SWT1: variants seen among roughly 807,000 people sequenced by gnomAD.
SWT1 encodes SWT1 RNA endoribonuclease homolog.
Under a neutral mutation model 107.3 loss-of-function variants are expected in SWT1, and 33 were observed. The observed-to-expected ratio is 0.31, with a 90% CI of 0.23 to 0.41. The LOEUF is 0.41. SWT1 is among the 10% of genes least tolerant of loss of function. The probability of loss-of-function intolerance (pLI) is 1.00; values close to 1 mark genes in which losing one functional copy is unlikely to be tolerated. For missense variants in SWT1, 898 were observed against 1,028.9 expected (o/e 0.87, Z 1.74); for synonymous variants, 345 against 348.3 (o/e 0.99, Z 0.11).
chr1:185,157,680 C>T (rs948846398), intron 1 of SWT1: 1 of 152,496 alleles, frequency 6.6e-6, no homozygotes, highest in Non-Finnish European at 1.5e-5. Flanking sequence ...CACTCTTTTC[C>T]TTTGTTTTTA....
At chr1:185,204,644 T>C in intron 11 of SWT1, 56 bp from the exon 12 acceptor site, 2 of 872,426 alleles carry the variant, frequency 2.3e-6, no homozygotes, top group South Asian at 3.9e-5. Context: ...ACTAATTATA[T>C]GTATAATAAT....
intron 18 of SWT1, among the ~76,000 whole-genome samples, chr1:185,286,926 G>A (rs1664980741): frequency 6.6e-6 from 1 of 152,138 alleles, no homozygotes; most frequent in Admixed American, 6.5e-5. Context: ...GAGGAGGAAA[G>A]CATTCATTCT....
intron 7 of SWT1, among the ~76,000 whole-genome samples, chr1:185,183,502 C>T (rs981238115): frequency 6.6e-6 from 1 of 152,028 alleles, no homozygotes; most frequent in Non-Finnish European, 1.5e-5. Context: ...AGGCTGATCT[C>T]GAACTCCTGA....
At position 185,290,786 on chromosome 1, in the gene SWT1, C is replaced by T. The variant is rs140708949; in HGVS notation, c.2686C>T (p.Leu896Phe). The T allele has an allele frequency of 6.8e-6, 11 of 1,609,016 alleles. No individual in the cohort carries two copies. Among genetic ancestry groups the T allele is most frequent in the Non-Finnish European group, 9.3e-6 (11 of 1,176,928 alleles). Residue 896 changes from leucine (L) to phenylalanine (F), a missense_variant, in exon 19 of 19, where the codon CTC becomes TTC. Physicochemically the swap from Leu to Phe is conservative, Grantham distance 22. Coordinates refer to ENST00000367500, the MANE Select transcript of SWT1 (RefSeq NM_017673.7). ...AAACAGGGGATGGTGTGAAGACATG[C>T]TCAACTATAGGATATAAGTACTGAT... ...AKNRGWCEDM[L>F]NYRI
rs118164233 is a variant in SWT1, at chr1:185,224,015, G to A, written c.2309+1979G>A. On this transcript the variant is annotated intron_variant, in intron 15 of 18. Coordinates refer to ENST00000367500, the MANE Select transcript of SWT1 (RefSeq NM_017673.7). ...TGTCCTTTGCAGGGACATGGATGGA[G>A]CTGGAGGCCATTTATCCTTTTGCAC... Among the ~76,000 whole-genome samples the A allele has an allele frequency of 5.9e-3, 891 of 152,302 alleles. 33 individuals carry two copies. In the East Asian group the frequency reaches 0.094, roughly 16 times the overall value.
chr1:185,185,006 T>C (rs1215489746), intron 9 of SWT1, 75 bp downstream of exon 9: 3 of 1,065,372 alleles, frequency 2.8e-6, no homozygotes, highest in Non-Finnish European at 3.8e-6. Context: ...AGGGAAATGG[T>C]GCAAAACTTT....
At chr1:185,167,590 T>C (rs2102315493) in intron 3 of SWT1, among the ~76,000 whole-genome samples, 1 of 152,354 alleles carries the variant, frequency 6.6e-6, no homozygotes, top group African/African-American at 2.4e-5. Flanking sequence ...ATCCCATTTC[T>C]CCTCTGCTGA....
intron 16 of SWT1, among the ~76,000 whole-genome samples, chr1:185,245,547 A>G (rs1661547410): frequency 6.6e-6 from 1 of 152,190 alleles, no homozygotes; most frequent in Admixed American, 6.5e-5. Flanking sequence ...AAATACAGAA[A>G]AGAACCAGTA....
At chr1:185,187,773 C>G (rs374803756) in intron 9 of SWT1, among the ~76,000 whole-genome samples, 1 of 152,154 alleles carries the variant, frequency 6.6e-6, no homozygotes, top group African/African-American at 2.4e-5. Flanking sequence ...CAATCTCCGC[C>G]TCCCGGCCTC....
rs1427173875 is a variant in SWT1, at chr1:185,189,698, A to G, written c.1430-851A>G. Among the ~76,000 whole-genome samples the G allele has an allele frequency of 3.9e-5, 6 of 152,106 alleles. No individual in the cohort carries two copies. The South Asian group carries it at 1.2e-3, about 32-fold the overall frequency. On this transcript the variant is annotated intron_variant, in intron 9 of 18. Transcript: ENST00000367500. Reference sequence around the variant, plus strand: ...TTTTAATAGCGAACTAACCACATTAAATCCACAACTGTATGCTATGTAAAT... The same window carrying G: ...TTTTAATAGCGAACTAACCACATTAGATCCACAACTGTATGCTATGTAAAT...
At chr1:185,181,059 G>T (rs552000400) in intron 6 of SWT1, among the ~76,000 whole-genome samples, 1 of 152,168 alleles carries the variant, frequency 6.6e-6, no homozygotes, top group Non-Finnish European at 1.5e-5. Context: ...CCCGAGGTCA[G>T]GAGTTCGAGA....
intron 13 of SWT1, among the ~76,000 whole-genome samples, chr1:185,212,234 G>A (rs965932585): frequency 6.6e-6 from 1 of 152,022 alleles, no homozygotes; most frequent in African/African-American, 2.4e-5. Context: ...AATAAAGCAT[G>A]TAGAATCTCT....
chr1:185,244,323 A>T (rs564743051), intron 16 of SWT1, among the ~76,000 whole-genome samples: 1 of 152,276 alleles, frequency 6.6e-6, no homozygotes, highest in African/African-American at 2.4e-5. Context: ...GGAATAGCCC[A>T]CTACACACCT....
In SWT1 at chr1:185,227,633, C is replaced by T. The variant is rs6674689; in HGVS notation, c.2310-3944C>T. ...ATAGTAATCATTTTTACCTTCTCGT[C>T]GTCTTCTACATTTCACTTGGTATCT... On this transcript the variant is annotated intron_variant, in intron 15 of 18. Transcript: ENST00000367500. 4,100 of 561,336 alleles carry T rather than the reference C, an allele frequency of 7.3e-3. 122 individuals are homozygous for T. Among genetic ancestry groups the T allele is most frequent in the African/African-American group, 0.07 (3,615 of 51,618 alleles). The allele number at this position is 561,336 out of a possible 1,614,324, so 34.8% of individuals were successfully genotyped here. A position where few individuals can be genotyped will look rare whatever the true frequency, so the allele number is the denominator to read the frequency against.
chr1:185,174,575 A>G lies in SWT1; in HGVS notation c.428A>G (p.Lys143Arg). ...KDIKLTNAGS[K>R]LDHGIKSLSS... ...ATCAAATTGACAAATGCTGGGAGCA[A>G]GCTTGACCATGGAATTAAAAGCCTT... Residue 143 changes from lysine to arginine, a missense_variant, in exon 5 of 19, where the codon AAG becomes AGG. Around this residue, in one of 6 missense-constraint regions of SWT1, gnomAD observed 382 missense variants for 362.4 expected, o/e 1.05. Coordinates refer to ENST00000367500, the MANE Select transcript of SWT1 (RefSeq NM_017673.7). The G allele has an allele frequency of 6.2e-7, 1 of 1,608,540 alleles. No individual in the cohort carries two copies. Among genetic ancestry groups the G allele is most frequent in the Non-Finnish European group, 8.5e-7 (1 of 1,178,652 alleles).
At chr1:185,217,467 A>T (rs1051046866) in intron 14 of SWT1, among the ~76,000 whole-genome samples, 1 of 152,150 alleles carries the variant, frequency 6.6e-6, no homozygotes, top group Non-Finnish European at 1.5e-5. Context: ...CATGTTCCTT[A>T]TGAGAATCTA....
At chr1:185,290,504 T>C (rs556401130) in intron 18 of SWT1, among the ~76,000 whole-genome samples, 170 bp from the exon 19 acceptor site, 2 of 152,286 alleles carry the variant, frequency 1.3e-5, no homozygotes, top group South Asian at 4.1e-4. Flanking sequence ...GCATATGTTA[T>C]TTAGCTTGAT....
At position 185,174,920 on chromosome 1, in the gene SWT1, A is replaced by G. The variant is rs762153250; in HGVS notation, c.773A>G (p.Asn258Ser). 35 of 1,613,918 alleles carry G rather than the reference A, an allele frequency of 2.2e-5. No individual in the cohort carries two copies. The highest frequency in any genetic ancestry group is 2.9e-5 in the Non-Finnish European group (34 of 1,179,990). ...VEENVFNIDSNNSKTKQEERE... is the reference protein window; with the variant it reads ...VEENVFNIDSSNSKTKQEERE... ...GAAAATGTCTTCAACATAGATTCTA[A>G]TAATTCGAAGACTAAGCAGGAAGAA... The change falls in exon 5 of 19, where the codon AAT (asparagine) becomes AGT (serine). Residue 258 changes from asparagine (N) to serine (S), a missense_variant. Physicochemically the swap from Asn to Ser is conservative, Grantham distance 46. Around this residue, in one of 6 missense-constraint regions of SWT1, gnomAD observed 382 missense variants for 362.4 expected, o/e 1.05. Transcript: ENST00000367500.
chr1:185,226,868 T>TTTC, intron 15 of SWT1: 2 of 1,528,942 alleles, frequency 1.3e-6, no homozygotes, highest in Admixed American at 2.0e-5. Context: ...CTACCCGATC[T>TTTC]TTCTTCTGAG....
Sources: allele counts gnomAD v4.1 joint callset (sites outside exome capture counted in the v4.1 genomes callset), GRCh38; gene constraint gnomAD v4.1.1; regional missense constraint gnomAD v4.1.1; transcripts MANE v1.5; gene names NCBI Gene and HGNC (gene_info 2026-07-23, HGNC 2026-07-21).